The following AKAP10 variants were observed in gnomAD, a reference collection of about 807,000 sequenced individuals.
AKAP10 encodes the protein A-kinase anchoring protein 10, also known as A-kinase anchor protein 10, mitochondrial.
A neutral mutation model predicts 80.8 loss-of-function variants in AKAP10; 24 were observed. The observed-to-expected ratio is 0.30, with a 90% CI of 0.22 to 0.42. The LOEUF is 0.42. Ranked by LOEUF, AKAP10 falls within the 10% of genes least tolerant of loss-of-function variation. The pLI is 1.00. For missense variants in AKAP10, 661 were observed against 794.9 expected (o/e 0.83, Z 2.03); for synonymous variants, 291 against 277.7 (o/e 1.05, Z -0.48).
At chr17:19,970,263 T>C (rs769394897) in intron 1 of AKAP10, among the ~76,000 whole-genome samples, 9 of 152,242 alleles carry the variant, frequency 5.9e-5, no homozygotes, top group Non-Finnish European at 1.2e-4. Flanking sequence ...ACATGGTCTG[T>C]TTATTACCTT....
chr17:19,921,314 C>T (rs753835974), intron 11 of AKAP10, among the ~76,000 whole-genome samples: 8 of 151,682 alleles, frequency 5.3e-5, no homozygotes, highest in East Asian at 2.0e-4. Flanking sequence ...ACTACGGGTG[C>T]GCCACCACGC....
intron 4 of AKAP10, among the ~76,000 whole-genome samples, chr17:19,956,651 C>A (rs2043278946): frequency 6.6e-6 from 1 of 152,134 alleles, no homozygotes; most frequent in Non-Finnish European, 1.5e-5. Flanking sequence ...CTTAAGCTTC[C>A]TGAGTAGCTG....
intron 14 of AKAP10, 29 bp downstream of exon 14, chr17:19,909,152 T>C (rs776713889): frequency 1.9e-6 from 3 of 1,555,012 alleles, no homozygotes; most frequent in Non-Finnish European, 2.6e-6. Context: ...TAATACTTTT[T>C]AGTTTACACA....
At chr17:19,938,816 C>T (rs1597504938) in intron 8 of AKAP10, among the ~76,000 whole-genome samples, 1 of 151,624 alleles carries the variant, frequency 6.6e-6, no homozygotes, top group African/African-American at 2.4e-5. Context: ...ACTGCAGCCT[C>T]GACCTCCCAA....
intron 8 of AKAP10, among the ~76,000 whole-genome samples, chr17:19,939,489 C>A (rs1241590511): frequency 6.6e-6 from 1 of 152,158 alleles, no homozygotes; most frequent in African/African-American, 2.4e-5. Flanking sequence ...TCCTTGAACA[C>A]CACCATTGCC....
intron 4 of AKAP10, among the ~76,000 whole-genome samples, chr17:19,951,425 G>A (rs1392477775): frequency 6.6e-6 from 1 of 152,268 alleles, no homozygotes; most frequent in Non-Finnish European, 1.5e-5. Context: ...AACGGGCCAT[G>A]ATGACGATGG....
At chr17:19,920,874 A>C (rs1044945533) in intron 11 of AKAP10, among the ~76,000 whole-genome samples, 1 of 149,096 alleles carries the variant, frequency 6.7e-6, no homozygotes, top group African/African-American at 2.5e-5. Context: ...AAAAAAAAAA[A>C]AAAAAAAAAA....
At position 19,924,492 on chromosome 17, in the gene AKAP10, T is replaced by C; in HGVS notation, c.1667A>G (p.Lys556Arg). The C allele has an allele frequency of 6.2e-7, 1 of 1,605,418 alleles. No individual in the cohort carries two copies. The highest frequency in any genetic ancestry group is 2.2e-5 in the East Asian group (1 of 44,670). The change falls in exon 11 of 15, where the codon AAA (lysine) becomes AGA (arginine). Residue 556 changes from lysine (K) to arginine (R), a missense_variant. Coordinates refer to ENST00000225737, the MANE Select transcript of AKAP10 (RefSeq NM_007202.4). ...CGCTTCATCAAAATTTTTCAGTATT[T>C]TAATACTGGCTTTTTTCACACTGGA... ...SQSSVKKASI[K>R]ILKNFDEAII...
At position 19,977,475 on chromosome 17, in the gene AKAP10, A is replaced by C. The variant is rs563297161; in HGVS notation, c.88+117T>G. ...AGGCACTCAGGGGGCATCTGCGCCG[A>C]GGTCGAGGCTCGCTGAAGGCCTTGC... On this transcript the variant is annotated intron_variant, in intron 1 of 14. Coordinates refer to ENST00000225737, the MANE Select transcript of AKAP10 (RefSeq NM_007202.4). 9 of 761,422 alleles carry C rather than the reference A, an allele frequency of 1.2e-5. No homozygotes were observed. In the African/African-American group the frequency reaches 1.4e-4, roughly 12 times the overall value. 47.2% of individuals were successfully genotyped at this position (761,422 alleles called of 1,614,324 possible). A position where few individuals can be genotyped will look rare whatever the true frequency, so the allele number is the denominator to read the frequency against.
chr17:19,912,856 G>A (rs929122987), intron 12 of AKAP10, among the ~76,000 whole-genome samples: 4 of 152,118 alleles, frequency 2.6e-5, no homozygotes, highest in African/African-American at 9.7e-5. Flanking sequence ...AAGGGGAGCC[G>A]AACTGTAAAC....
chr17:19,971,231 G>A (rs1430679739), intron 1 of AKAP10, among the ~76,000 whole-genome samples: 3 of 151,792 alleles, frequency 2.0e-5, no homozygotes, highest in Admixed American at 6.6e-5. Flanking sequence ...GCAAATGGCT[G>A]AGCACGGTGG....
At chr17:19,907,926 C>T (rs961093137) in intron 14 of AKAP10, among the ~76,000 whole-genome samples, 7 of 151,240 alleles carry the variant, frequency 4.6e-5, no homozygotes, top group Admixed American at 6.6e-5. Flanking sequence ...TGCAGTGGTG[C>T]GATCTCGGCT....
intron 10 of AKAP10, among the ~76,000 whole-genome samples, chr17:19,927,307 C>T (rs2042885297): frequency 6.6e-6 from 1 of 152,080 alleles, no homozygotes; most frequent in Non-Finnish European, 1.5e-5. Flanking sequence ...GCACTCCAGC[C>T]TGGGCAGCAG....
chr17:19,943,891 A>G (rs2043075866), intron 5 of AKAP10, among the ~76,000 whole-genome samples: 1 of 152,186 alleles, frequency 6.6e-6, no homozygotes, highest in African/African-American at 2.4e-5. Flanking sequence ...TTCACTGAAC[A>G]ATCATCTGCA....
chr17:19,967,637 C>CT (rs2043437088), intron 2 of AKAP10, among the ~76,000 whole-genome samples: 1 of 152,190 alleles, frequency 6.6e-6, no homozygotes, highest in South Asian at 2.1e-4. Context: ...AATCCCAGGA[C>CT]TTTGGGAGGC....
At chr17:19,962,362 T>C (rs536294347) in intron 3 of AKAP10, among the ~76,000 whole-genome samples, 1 of 152,022 alleles carries the variant, frequency 6.6e-6, no homozygotes, top group South Asian at 2.1e-4. Flanking sequence ...ATCTGAGGGC[T>C]AGGTCTTAGA....
chr17:19,941,599 C>T lies in AKAP10; in HGVS notation c.1061+227G>A, dbSNP rs115357938. Among the ~76,000 whole-genome samples, 368 of 152,162 alleles carry T rather than the reference C, an allele frequency of 2.4e-3. 2 individuals are homozygous for T. The highest frequency in any genetic ancestry group is 8.4e-3 in the African/African-American group (349 of 41,514). On this transcript the variant is annotated intron_variant, in intron 6 of 14. Coordinates refer to ENST00000225737, the MANE Select transcript of AKAP10 (RefSeq NM_007202.4). ...CAGAACTAAAAACAAATTATTTTAA[C>T]TTAGGAAATATTAACATTGAAAATG... is the stretch of plus-strand genomic sequence containing the variant.
chr17:19,907,311 G>A (rs547724239), intron 14 of AKAP10, among the ~76,000 whole-genome samples: 4 of 151,834 alleles, frequency 2.6e-5, no homozygotes, highest in Non-Finnish European at 4.4e-5. Flanking sequence ...GAGCTACCAC[G>A]CCCGGCCCCC....
chr17:19,957,976 G>A, intron 4 of AKAP10, 38 bp downstream of exon 4: 2 of 1,523,648 alleles, frequency 1.3e-6, no homozygotes, highest in Non-Finnish European at 1.8e-6. Context: ...AAAAGAAAGT[G>A]AGACACATAT....
Sources: gnomAD v4.1 joint callset for allele counts (sites outside exome capture counted in the v4.1 genomes callset) on GRCh38, gnomAD v4.1.1 for gene constraint, MANE v1.5 for transcripts, NCBI Gene and HGNC (gene_info 2026-07-23, HGNC 2026-07-21) for gene names.